Variants in CSMD3 observed in about 807,000 individuals in gnomAD.
The protein encoded by CSMD3 is CUB and sushi domain-containing protein 3.
CSMD3 carries 177 observed loss-of-function variants against 435.2 expected under a neutral mutation model. The observed-to-expected ratio is 0.41, with a 90% CI of 0.36 to 0.46. The LOEUF (loss-of-function observed/expected upper bound fraction) is 0.46. Ranked by LOEUF, CSMD3 falls within the 20% of genes least tolerant of loss-of-function variation. The pLI is 0.34. For synonymous variants in CSMD3, 1,656 were observed against 1,520.5 expected, an observed-to-expected ratio of 1.09 and a Z score of -2.07; for missense variants, 4,265 against 4,504.6, an observed-to-expected ratio of 0.95 and a Z score of 1.52.
chr8:112,710,816 AC>A (rs2076594368), intron 13 of CSMD3, among the ~76,000 whole-genome samples: 1 of 150,550 alleles, frequency 6.6e-6, no homozygotes, highest in South Asian at 2.1e-4. Context: ...TTCCCATAAG[AC>A]TTTTGTTGAG....
intron 5 of CSMD3, among the ~76,000 whole-genome samples, chr8:113,073,142 C>A (rs1291264217): frequency 6.6e-6 from 1 of 151,718 alleles, no homozygotes; most frequent in Non-Finnish European, 1.5e-5. Context: ...TATGAAATTT[C>A]TTTGCAATAC....
intron 4 of CSMD3, among the ~76,000 whole-genome samples, chr8:113,170,292 TG>T (rs2092244934): frequency 1.3e-5 from 1 of 76,640 alleles, no homozygotes; most frequent in Admixed American, 1.6e-4. Context: ...TAAGTTTTAA[TG>T]AAAAAAATTG....
chr8:112,410,358 T>A (rs1397490841), intron 32 of CSMD3, among the ~76,000 whole-genome samples: 2 of 151,184 alleles, frequency 1.3e-5, no homozygotes, highest in African/African-American at 4.8e-5. Context: ...AATACAAATT[T>A]ATGTTTCCAC....
intron 12 of CSMD3, among the ~76,000 whole-genome samples, chr8:112,820,885 T>C (rs1465524639): frequency 6.6e-6 from 1 of 152,172 alleles, no homozygotes; most frequent in Non-Finnish European, 1.5e-5. Context: ...CTCCCACTTA[T>C]GAGTGAGAAC....
chr8:112,384,092 A>T (rs1185620750), intron 36 of CSMD3, among the ~76,000 whole-genome samples: 3 of 152,180 alleles, frequency 2.0e-5, no homozygotes, highest in Non-Finnish European at 4.4e-5. Context: ...AGCCTGTAGG[A>T]CCTTATAATA....
chr8:112,348,945 T>C (rs891303278), intron 40 of CSMD3, among the ~76,000 whole-genome samples: 3 of 152,128 alleles, frequency 2.0e-5, no homozygotes, highest in Non-Finnish European at 4.4e-5. Flanking sequence ...TATAGCAAGA[T>C]GGGAACTGTC....
At chr8:112,871,010 A>C (rs2130044689) in intron 10 of CSMD3, among the ~76,000 whole-genome samples, 1 of 152,304 alleles carries the variant, frequency 6.6e-6, no homozygotes, top group East Asian at 1.9e-4. Flanking sequence ...CAGCTCATGT[A>C]GAAATGAAGA....
chr8:113,420,015 A>T (rs1024392408), intron 1 of CSMD3, among the ~76,000 whole-genome samples: 1 of 152,182 alleles, frequency 6.6e-6, no homozygotes, highest in Non-Finnish European at 1.5e-5. Context: ...TAACAAAAGC[A>T]GTAGTGATTA....
At chr8:112,936,835 A>C in intron 9 of CSMD3, among the ~76,000 whole-genome samples, 1 of 152,180 alleles carries the variant, frequency 6.6e-6, no homozygotes, top group Admixed American at 6.6e-5. Flanking sequence ...GATCAAAATT[A>C]TTTCCTAAAT....
intron 61 of CSMD3, chr8:112,255,995 G>T (rs1182207145): frequency 6.6e-6 from 1 of 152,450 alleles, no homozygotes; most frequent in Non-Finnish European, 1.5e-5. Flanking sequence ...AAGAAAAGAA[G>T]GCCATCAGAA....
At chr8:112,707,491 G>A (rs887804680) in intron 13 of CSMD3, among the ~76,000 whole-genome samples, 5 of 151,368 alleles carry the variant, frequency 3.3e-5, no homozygotes, top group Non-Finnish European at 4.4e-5. Context: ...GGCGGGAGGG[G>A]GGTGGTTCCT....
chr8:113,346,937 C>A (rs929266999), intron 1 of CSMD3, among the ~76,000 whole-genome samples: 16 of 151,950 alleles, frequency 1.1e-4, no homozygotes, highest in African/African-American at 3.9e-4. Context: ...ATCAATTCTT[C>A]TTTATGAGAA....
chr8:112,652,063 T>C (rs903865337), intron 18 of CSMD3, among the ~76,000 whole-genome samples: 1 of 152,214 alleles, frequency 6.6e-6, no homozygotes, highest in Non-Finnish European at 1.5e-5. Flanking sequence ...TGGACATACG[T>C]ATAGCCAAAA....
chr8:113,111,008 C>T (rs1289052699), intron 4 of CSMD3, among the ~76,000 whole-genome samples: 1 of 152,100 alleles, frequency 6.6e-6, no homozygotes, highest in Non-Finnish European at 1.5e-5. Context: ...TATTCCCATT[C>T]ATGAGAGTTC....
intron 27 of CSMD3, 51 bp from the exon 28 acceptor site, chr8:112,517,276 T>A: frequency 7.7e-7 from 1 of 1,304,222 alleles, no homozygotes; most frequent in Non-Finnish European, 1.1e-6. Context: ...CCAAAATCAA[T>A]TTCATATATC....
intron 13 of CSMD3, among the ~76,000 whole-genome samples, chr8:112,750,208 T>G (rs966779097): frequency 3.3e-5 from 5 of 151,916 alleles, no homozygotes; most frequent in Admixed American, 6.6e-5. Context: ...TCAGTAAACT[T>G]TCTGGGAATC....
At position 113,240,579 on chromosome 8, in the gene CSMD3, T is replaced by C. The variant is rs183125885; in HGVS notation, c.514+38013A>G. 5.3e-5 allele frequency among the ~76,000 whole-genome samples: 8 copies of C among 152,290 alleles called. No individual in the cohort carries two copies. In the East Asian group the frequency reaches 7.7e-4, roughly 15 times the overall value. On this transcript the variant is annotated intron_variant, in intron 3 of 70. Coordinates refer to ENST00000297405, the MANE Select transcript of CSMD3 (RefSeq NM_198123.2). ...TAAGTTTCTGCATCAGTAATTAATATAGTTTCACAAAAGAAAACCCATATG... is the reference window on the plus strand; with the variant it reads ...TAAGTTTCTGCATCAGTAATTAATACAGTTTCACAAAAGAAAACCCATATG...
chr8:112,646,376 C>T (rs548798594), intron 19 of CSMD3, among the ~76,000 whole-genome samples: 1 of 152,014 alleles, frequency 6.6e-6, no homozygotes, highest in East Asian at 1.9e-4. Context: ...GTTTGTATAT[C>T]TGTGTGTTTG....
At chr8:113,096,143 C>G (rs757629846) in intron 5 of CSMD3, among the ~76,000 whole-genome samples, 1 of 152,098 alleles carries the variant, frequency 6.6e-6, no homozygotes, top group Non-Finnish European at 1.5e-5. Context: ...TGACTTGAAA[C>G]TAAGATTTGT....
Sources: allele counts gnomAD v4.1 joint callset (sites outside exome capture counted in the v4.1 genomes callset), GRCh38; gene constraint gnomAD v4.1.1; transcripts MANE v1.5; gene names NCBI Gene and HGNC (gene_info 2026-07-23, HGNC 2026-07-21).